ERG: variants seen among roughly 807,000 people sequenced by gnomAD.
The protein encoded by ERG is ETS transcription factor ERG, also known as transcriptional regulator ERG.
Under a neutral mutation model 55.3 loss-of-function variants are expected in ERG, and 9 were observed. The ratio of observed to expected loss-of-function variants is 0.16; its 90% CI spans 0.10 to 0.28. The LOEUF is 0.28. ERG is among the 10% of genes least tolerant of loss of function. ERG has a pLI of 1.00. For missense variants in ERG, 434 were observed against 631.6 expected, an observed-to-expected ratio of 0.69 and a Z score of 3.35; for synonymous variants, 223 against 237.3, an observed-to-expected ratio of 0.94 and a Z score of 0.55.
intron 2 of ERG, among the ~76,000 whole-genome samples, chr21:38,505,071 G>T (rs1446833366): frequency 2.0e-5 from 3 of 152,086 alleles, no homozygotes; most frequent in Admixed American, 1.3e-4. Flanking sequence ...CGGTTGAGGT[G>T]GGCTTTAATT....
At chr21:38,542,278 G>A (rs1371914991) in intron 2 of ERG, among the ~76,000 whole-genome samples, 4 of 152,156 alleles carry the variant, frequency 2.6e-5, no homozygotes, top group East Asian at 3.9e-4. Flanking sequence ...GTGAGTCACC[G>A]CGCCTGGCCT....
At chr21:38,537,993 T>C (rs2059724135) in intron 2 of ERG, among the ~76,000 whole-genome samples, 1 of 152,184 alleles carries the variant, frequency 6.6e-6, no homozygotes, top group African/African-American at 2.4e-5. Flanking sequence ...TTCTGACATA[T>C]GCTATAACAC....
At chr21:38,369,745 G>GT in the ERG span, among the ~76,000 whole-genome samples, 1 of 152,144 alleles carries the variant, frequency 6.6e-6, no homozygotes, top group African/African-American at 2.4e-5. Context: ...GATTTTTATA[G>GT]TTTTGGGTTT....
intron 1 of ERG, among the ~76,000 whole-genome samples, chr21:38,496,493 A>T (rs1267275225): frequency 6.6e-6 from 1 of 152,200 alleles, no homozygotes; most frequent in Non-Finnish European, 1.5e-5. Flanking sequence ...TACCCAGGAA[A>T]TCTAACAGAA....
At position 38,489,009 on chromosome 21, in the gene ERG, G is replaced by C. The variant is rs749841423; in HGVS notation, c.18+9354C>G. ...TTATTCCCCTTGGAGAGGAGATAACGAATAATGGACCACGCATTCGGAGAG... is the reference window on the plus strand; with the variant it reads ...TTATTCCCCTTGGAGAGGAGATAACCAATAATGGACCACGCATTCGGAGAG... On this transcript the variant is annotated intron_variant, in intron 1 of 9. Coordinates refer to ENST00000288319, the MANE Select transcript of ERG (RefSeq NM_182918.4). 2.0e-5 allele frequency among the ~76,000 whole-genome samples: 3 copies of C among 152,314 alleles called. No individual in the cohort carries two copies. The South Asian group carries it at 6.2e-4, about 32-fold the overall frequency.
intron 1 of ERG, among the ~76,000 whole-genome samples, chr21:38,475,419 A>G (rs1047814863): frequency 6.6e-6 from 1 of 152,110 alleles, no homozygotes; most frequent in Admixed American, 6.5e-5. Context: ...CCCGATTACA[A>G]TCAAAGCAGA....
intron 1 of ERG, among the ~76,000 whole-genome samples, chr21:38,600,182 C>T (rs1218838708): frequency 6.6e-6 from 1 of 152,206 alleles, no homozygotes; most frequent in Non-Finnish European, 1.5e-5. Context: ...AATCCCCACC[C>T]AACCCCGCCC....
At chr21:38,599,465 C>T (rs1183756885) in intron 1 of ERG, among the ~76,000 whole-genome samples, 5 of 152,126 alleles carry the variant, frequency 3.3e-5, no homozygotes, top group African/African-American at 4.8e-5. Context: ...GAGGGGAATC[C>T]GACACCAAAT....
chr21:38,470,257 C>CTAT (rs147294234), intron 1 of ERG, among the ~76,000 whole-genome samples: 74 of 150,794 alleles, frequency 4.9e-4, no homozygotes, highest in Middle Eastern at 3.4e-3. Context: ...TGAGTGTTTT[C>CTAT]TATTATTATT....
At chr21:38,384,290 G>C (rs1002334370) in intron 9 of ERG, among the ~76,000 whole-genome samples, 2 of 152,210 alleles carry the variant, frequency 1.3e-5, no homozygotes, top group Non-Finnish European at 2.9e-5. Flanking sequence ...CAGCTGCAAG[G>C]AGGCTTGGAG....
intron 1 of ERG, among the ~76,000 whole-genome samples, chr21:38,593,023 A>G (rs79201719): frequency 0.011 from 1,691 of 152,338 alleles, 27 homozygotes; most frequent in African/African-American, 0.038. Context: ...ACCAGTTTGT[A>G]AAGCCCAAGA....
At chr21:38,643,668 C>A (rs1163352324) in intron 1 of ERG, among the ~76,000 whole-genome samples, 2 of 152,174 alleles carry the variant, frequency 1.3e-5, no homozygotes, top group Non-Finnish European at 2.9e-5. Context: ...GAGGATTCCG[C>A]CCCACCGGGA....
chr21:38,372,882 T>A, the ERG span, among the ~76,000 whole-genome samples: 1 of 152,134 alleles, frequency 6.6e-6, no homozygotes, highest in Non-Finnish European at 1.5e-5. Flanking sequence ...AAAGTAGGTA[T>A]GAATGTAGTG....
intron 2 of ERG, among the ~76,000 whole-genome samples, chr21:38,442,897 T>C (rs1462397592): frequency 6.6e-6 from 1 of 152,162 alleles, no homozygotes; most frequent in Admixed American, 6.5e-5. Context: ...AAGCTCCGCC[T>C]CCCGGGTTCA....
chr21:38,661,458 G>T (rs1481037878), intron 1 of ERG, among the ~76,000 whole-genome samples: 1 of 152,296 alleles, frequency 6.6e-6, no homozygotes, highest in South Asian at 2.1e-4. Flanking sequence ...GCCGGGACGC[G>T]GGGATGCCGA....
chr21:38,579,195 C>G (rs1003368444), intron 1 of ERG, among the ~76,000 whole-genome samples: 1 of 152,074 alleles, frequency 6.6e-6, no homozygotes, highest in Non-Finnish European at 1.5e-5. Flanking sequence ...TATCCAAGAC[C>G]GCAGCAACAT....
At chr21:38,424,162 A>G (rs557783497) in intron 2 of ERG, among the ~76,000 whole-genome samples, 87 of 147,688 alleles carry the variant, frequency 5.9e-4, no homozygotes, top group African/African-American at 2.0e-3. Context: ...TGCCCTTATT[A>G]GAAAAGAAAG....
intron 2 of ERG, among the ~76,000 whole-genome samples, chr21:38,567,244 A>C (rs2059929011): frequency 6.6e-6 from 1 of 152,176 alleles, no homozygotes; most frequent in Non-Finnish European, 1.5e-5. Flanking sequence ...ACCCAGTGAG[A>C]AGGAGAAACA....
chr21:38,573,466 T>C (rs2059973841), intron 2 of ERG, among the ~76,000 whole-genome samples: 1 of 152,218 alleles, frequency 6.6e-6, no homozygotes, highest in Non-Finnish European at 1.5e-5. Context: ...CGCCCTATGG[T>C]GGAAGGTGAG....
Sources: gnomAD v4.1 joint callset for allele counts (sites outside exome capture counted in the v4.1 genomes callset) on GRCh38, gnomAD v4.1.1 for gene constraint, MANE v1.5 for transcripts, NCBI Gene and HGNC (gene_info 2026-07-23, HGNC 2026-07-21) for gene names.